Variants in FAM107A observed in about 807,000 individuals in gnomAD.
The protein encoded by FAM107A is actin-associated protein FAM107A.
In FAM107A, 19 loss-of-function variants were observed where a neutral mutation model predicts 13.7. The observed-to-expected ratio is 1.38, with a 90% CI of 0.97 to 2.03. The LOEUF is 2.03. Among genes scored for constraint, FAM107A ranks in the 30% most tolerant of loss-of-function variants. The pLI is 0.00. For missense variants in FAM107A, 203 were observed against 184.4 expected (o/e 1.10, Z -0.58); for synonymous variants, 82 against 74.5 (o/e 1.10, Z -0.52).
intron 1 of FAM107A, among the ~76,000 whole-genome samples, chr3:58,574,975 G>A (rs2063718648): frequency 6.6e-6 from 1 of 152,158 alleles, no homozygotes; most frequent in Non-Finnish European, 1.5e-5. Context: ...CCACAGGAGA[G>A]AGTAAGGAGA....
intron 2 of FAM107A, 127 bp from the exon 3 acceptor site, chr3:58,567,491 G>T: frequency 1.9e-6 from 2 of 1,068,690 alleles, no homozygotes; most frequent in Non-Finnish European, 2.6e-6. Flanking sequence ...TAGCCTTGGA[G>T]GTGGACCCAT....
intron 1 of FAM107A, among the ~76,000 whole-genome samples, chr3:58,603,299 G>A (rs4464476): frequency 0.25 from 37,693 of 151,992 alleles, 5,243 homozygotes; most frequent in South Asian, 0.48. Flanking sequence ...AATGATGTTC[G>A]TATACTGAAC....
At chr3:58,623,216 C>T (rs2065975307) in intron 1 of FAM107A, among the ~76,000 whole-genome samples, 1 of 152,296 alleles carries the variant, frequency 6.6e-6, no homozygotes, top group East Asian at 1.9e-4. Flanking sequence ...CATAGTGCTT[C>T]TATTTTTTTC....
chr3:58,595,452 G>A (rs2065690943), intron 1 of FAM107A, among the ~76,000 whole-genome samples: 1 of 152,068 alleles, frequency 6.6e-6, no homozygotes, highest in African/African-American at 2.4e-5. Flanking sequence ...TTGATCTTAT[G>A]ACAATACACC....
chr3:58,582,026 CTGTG>C (rs1172678653), upstream of FAM107A, among the ~76,000 whole-genome samples: 1 of 151,790 alleles, frequency 6.6e-6, no homozygotes, highest in East Asian at 2.0e-4. Context: ...GTCTGTTTCT[CTGTG>C]TGTGTGTGTA....
intron 1 of FAM107A, among the ~76,000 whole-genome samples, chr3:58,625,577 G>A (rs1295245909): frequency 6.6e-6 from 1 of 152,192 alleles, no homozygotes. Context: ...GCTCAACTGT[G>A]CATGTAGATG....
Position 58,614,059 on chromosome 3 carries a change from C to T in FAM107A, c.-70+13357G>A, listed in dbSNP as rs535068096. On this transcript the variant is annotated intron_variant, in intron 1 of 3. Coordinates refer to the FAM107A transcript ENST00000465970. ...ATCCCTGGAAAAACTGCCGCTGAAA[C>T]TTTCCACTGACTCTGGCCTGGCTCT... is the stretch of plus-strand genomic sequence containing the variant. Among the ~76,000 whole-genome samples the T allele has an allele frequency of 1.5e-3, 223 of 152,320 alleles. 4 individuals are homozygous for T. In the South Asian group the frequency reaches 0.044, roughly 30 times the overall value.
At chr3:58,614,647 G>A (rs771724300) in intron 1 of FAM107A, among the ~76,000 whole-genome samples, 1 of 151,884 alleles carries the variant, frequency 6.6e-6, no homozygotes, top group Non-Finnish European at 1.5e-5. Context: ...TGGGATTACA[G>A]GTGCCTGCCA....
chr3:58,573,266 G>C (rs1221464523), intron 1 of FAM107A, among the ~76,000 whole-genome samples: 2 of 152,220 alleles, frequency 1.3e-5, no homozygotes, highest in Non-Finnish European at 2.9e-5. Flanking sequence ...GGGTGAGGAG[G>C]GTTGCTGGGG....
chr3:58,581,602 C>G (rs769870515), upstream of FAM107A, among the ~76,000 whole-genome samples: 5 of 151,376 alleles, frequency 3.3e-5, no homozygotes, highest in Admixed American at 2.6e-4. Context: ...TTAAACCGTG[C>G]CCCCCGCCTC....
intron 1 of FAM107A, among the ~76,000 whole-genome samples, chr3:58,615,848 A>AT (rs1202841574): frequency 6.9e-6 from 1 of 144,298 alleles, no homozygotes; most frequent in Non-Finnish European, 1.5e-5. Context: ...ATGAGCCAAG[A>AT]TTTTGCCACT....
At chr3:58,606,620 C>A (rs1018711870) in intron 1 of FAM107A, among the ~76,000 whole-genome samples, 1 of 152,256 alleles carries the variant, frequency 6.6e-6, no homozygotes, top group African/African-American at 2.4e-5. Flanking sequence ...GGAGAGAAAC[C>A]TGTTTAAGTG....
At chr3:58,580,417 T>A (rs1427606904), upstream of FAM107A, among the ~76,000 whole-genome samples, 1 of 146,102 alleles carries the variant, frequency 6.8e-6, no homozygotes, top group Non-Finnish European at 1.5e-5. Context: ...CTGGATTTTT[T>A]TTTTTTTTTT....
intron 1 of FAM107A, among the ~76,000 whole-genome samples, chr3:58,609,808 C>T (rs2065836050): frequency 6.6e-6 from 1 of 152,206 alleles, no homozygotes; most frequent in African/African-American, 2.4e-5. Context: ...GTGACCTCTT[C>T]CTACAGCAGG....
chr3:58,590,541 T>C (rs929299600), upstream of FAM107A, among the ~76,000 whole-genome samples: 2 of 152,220 alleles, frequency 1.3e-5, no homozygotes, highest in African/African-American at 2.4e-5. Context: ...AATGTTTAAT[T>C]GGCTCACAGT....
intron 1 of FAM107A, among the ~76,000 whole-genome samples, chr3:58,599,402 T>C (rs1188768558): frequency 6.6e-6 from 1 of 152,234 alleles, no homozygotes; most frequent in African/African-American, 2.4e-5. Flanking sequence ...TGCCAAATTA[T>C]CTTCCAAAAT....
upstream of FAM107A, chr3:58,577,447 T>C (rs866684085): frequency 1.8e-5 from 18 of 985,270 alleles, no homozygotes; most frequent in Non-Finnish European, 2.0e-5. The surrounding 1 kb of genome is among the most constrained non-coding windows in gnomAD (Gnocchi z 4.9). Flanking sequence ...GCTGCTGAAA[T>C]GTGCCAACAA....
At chr3:58,577,416 C>G, upstream of FAM107A, 1 of 985,382 alleles carries the variant, frequency 1.0e-6, no homozygotes, top group Non-Finnish European at 1.2e-6. The surrounding 1 kb of genome is among the most constrained non-coding windows in gnomAD (Gnocchi z 4.9). Flanking sequence ...GAGGGCGGTT[C>G]TTAAACCCCT....
At chr3:58,618,729 CT>C (rs1485871491) in intron 1 of FAM107A, among the ~76,000 whole-genome samples, 5 of 152,010 alleles carry the variant, frequency 3.3e-5, no homozygotes, top group African/African-American at 4.8e-5. Context: ...ACCTCTTCCT[CT>C]CTTGAGGTCT....
Sources: allele counts gnomAD v4.1 joint callset (sites outside exome capture counted in the v4.1 genomes callset), GRCh38; gene constraint gnomAD v4.1.1; non-coding constraint Gnocchi (gnomAD v3.1); transcripts MANE v1.5; gene names NCBI Gene and HGNC (gene_info 2026-07-23, HGNC 2026-07-21).